TMEM123: variants seen among roughly 807,000 people sequenced by gnomAD.
TMEM123 encodes the protein transmembrane protein 123, also known as porimin.
A neutral mutation model predicts 19.7 loss-of-function variants in TMEM123; 16 were observed. The ratio of observed to expected loss-of-function variants is 0.81; its 90% CI spans 0.55 to 1.23. The LOEUF is 1.23. Among genes scored for constraint, TMEM123 ranks in the 50% most tolerant of loss-of-function variants. TMEM123 has a pLI of 0.00. For synonymous variants in TMEM123, 118 were observed against 99.4 expected (o/e 1.19, Z -1.12); for missense variants, 313 against 257.8 (o/e 1.21, Z -1.47).
chr11:102,410,511 C>CAAAAAAAAA (rs796159138), intron 2 of TMEM123, among the ~76,000 whole-genome samples: 2 of 105,404 alleles, frequency 1.9e-5, no homozygotes, highest in African/African-American at 7.0e-5. Flanking sequence ...CTGTTAGTTA[C>CAAAAAAAAA]AAAAAAAAAA....
At chr11:102,446,481 G>T (rs932376695) in intron 2 of TMEM123, among the ~76,000 whole-genome samples, 1 of 152,170 alleles carries the variant, frequency 6.6e-6, no homozygotes, top group Non-Finnish European at 1.5e-5. Flanking sequence ...AAAAACAGCT[G>T]TAATAATGTA....
intron 2 of TMEM123, among the ~76,000 whole-genome samples, chr11:102,413,118 T>A (rs1346609572): frequency 6.6e-6 from 1 of 152,326 alleles, no homozygotes; most frequent in South Asian, 2.1e-4. Context: ...AATGAACTTT[T>A]GATGTGAGAG....
intron 2 of TMEM123, among the ~76,000 whole-genome samples, chr11:102,413,396 GACCCCACC>G (rs1289127535): frequency 6.6e-6 from 1 of 152,168 alleles, no homozygotes; most frequent in Non-Finnish European, 1.5e-5. Context: ...CATGTGCACG[GACCCCACC>G]ACCCCATCAC....
At chr11:102,438,225 G>A (rs1421086912) in intron 2 of TMEM123, among the ~76,000 whole-genome samples, 2 of 152,026 alleles carry the variant, frequency 1.3e-5, no homozygotes, top group African/African-American at 4.8e-5. Flanking sequence ...GCTAATTTTT[G>A]TATTTTCAGT....
chr11:102,436,061 G>C lies in TMEM123; in HGVS notation c.157+12751C>G, dbSNP rs796819569. The stretch of plus-strand genomic sequence containing the variant: ...TACATGGTATGTGAATTACATCTCA[G>C]TGAAGGTATTTAAAAAAAAATGCAT... On this transcript the variant is annotated intron_variant, in intron 2 of 4. Transcript: ENST00000398136. Among the ~76,000 whole-genome samples the C allele has an allele frequency of 2.0e-5, 3 of 150,386 alleles. No individual in the cohort carries two copies. The South Asian group carries it at 6.2e-4, about 31-fold the overall frequency.
At chr11:102,446,614 T>G (rs1857885946) in intron 2 of TMEM123, among the ~76,000 whole-genome samples, 1 of 152,168 alleles carries the variant, frequency 6.6e-6, no homozygotes, top group South Asian at 2.1e-4. Context: ...ACCAAAAACA[T>G]ACATATCCTG....
intron 2 of TMEM123, among the ~76,000 whole-genome samples, chr11:102,427,644 C>G (rs1317980333): frequency 6.6e-6 from 1 of 151,434 alleles, no homozygotes; most frequent in Admixed American, 6.6e-5. Flanking sequence ...CGAGACCAGC[C>G]TGGCCAATAC....
Position 102,446,662 on chromosome 11 carries a change from G to C in TMEM123, c.157+2150C>G, listed in dbSNP as rs529391211. 2.5e-4 allele frequency among the ~76,000 whole-genome samples: 38 copies of C among 152,288 alleles called. No homozygotes were observed. The South Asian group carries it at 3.1e-3, about 12-fold the overall frequency. On this transcript the variant is annotated intron_variant, in intron 2 of 4. Coordinates refer to ENST00000398136, the MANE Select transcript of TMEM123 (RefSeq NM_052932.3). ...GCACCAGGCATAGAGTGAGATGTTAGGATGAATAAATCATAGATTTCACTC... is the reference window on the plus strand; with the variant it reads ...GCACCAGGCATAGAGTGAGATGTTACGATGAATAAATCATAGATTTCACTC...
chr11:102,401,759 C>G (rs1007428397), intron 3 of TMEM123, 67 bp from the exon 4 acceptor site: 1 of 1,503,994 alleles, frequency 6.6e-7, no homozygotes. Context: ...GTAATTAAAG[C>G]TCTCTGATTT....
At chr11:102,428,064 T>G (rs1952144720) in intron 2 of TMEM123, among the ~76,000 whole-genome samples, 1 of 152,118 alleles carries the variant, frequency 6.6e-6, no homozygotes. Flanking sequence ...AACCAGGCCA[T>G]GCATGGAGTC....
chr11:102,423,720 T>C (rs1239931919), intron 2 of TMEM123, among the ~76,000 whole-genome samples: 2 of 152,226 alleles, frequency 1.3e-5, no homozygotes, highest in African/African-American at 4.8e-5. Context: ...CAGTAATTCA[T>C]AGTTCAGTCA....
At chr11:102,430,520 A>C (rs2135857254) in intron 2 of TMEM123, among the ~76,000 whole-genome samples, 1 of 152,354 alleles carries the variant, frequency 6.6e-6, no homozygotes, top group East Asian at 1.9e-4. Flanking sequence ...AGCTTGAGCA[A>C]TCTAAAGGCT....
chr11:102,414,035 T>C (rs1206951507), intron 2 of TMEM123, among the ~76,000 whole-genome samples: 2 of 151,864 alleles, frequency 1.3e-5, no homozygotes, highest in African/African-American at 2.4e-5. Flanking sequence ...TTTGATAGAG[T>C]TGAAAAATTC....
intron 2 of TMEM123, among the ~76,000 whole-genome samples, chr11:102,423,634 C>T (rs770901559): frequency 1.3e-5 from 2 of 152,144 alleles, no homozygotes; most frequent in Non-Finnish European, 2.9e-5. Context: ...AGATAATAAG[C>T]GTAGTTTTAA....
At chr11:102,399,830 C>T (rs1162400427) in intron 4 of TMEM123, among the ~76,000 whole-genome samples, 1 of 152,040 alleles carries the variant, frequency 6.6e-6, no homozygotes, top group Non-Finnish European at 1.5e-5. Context: ...ATTAGCTGGG[C>T]GTGGTGGTAG....
intron 2 of TMEM123, among the ~76,000 whole-genome samples, chr11:102,443,851 G>A (rs950632218): frequency 6.6e-6 from 1 of 151,928 alleles, no homozygotes; most frequent in African/African-American, 2.4e-5. Context: ...AAATTTACAA[G>A]AAAAAAATCA....
chr11:102,399,807 CAAAAATACA>C (rs1300482709), intron 4 of TMEM123, among the ~76,000 whole-genome samples: 1 of 151,510 alleles, frequency 6.6e-6, no homozygotes, highest in Non-Finnish European at 1.5e-5. Context: ...CCATCTCTAC[CAAAAATACA>C]AAAATTAGCT....
chr11:102,440,943 AAGAAGGCCATTACATAAT>A (rs1203995067), intron 2 of TMEM123, among the ~76,000 whole-genome samples: 3 of 152,340 alleles, frequency 2.0e-5, no homozygotes, highest in African/African-American at 7.2e-5. Flanking sequence ...AAAAGAGACA[AAGAAGGCCATTACATAAT>A]GGTAAAGGGA....
intron 2 of TMEM123, among the ~76,000 whole-genome samples, chr11:102,425,231 C>CA (rs1425958523): frequency 1.3e-5 from 2 of 152,156 alleles, no homozygotes; most frequent in Non-Finnish European, 2.9e-5. Flanking sequence ...GCTAAAATAA[C>CA]ACTTAACTCA....
Sources: gnomAD v4.1 joint callset for allele counts (sites outside exome capture counted in the v4.1 genomes callset) on GRCh38, gnomAD v4.1.1 for gene constraint, MANE v1.5 for transcripts, NCBI Gene and HGNC (gene_info 2026-07-23, HGNC 2026-07-21) for gene names.